The following COL5A2 variants were observed in gnomAD, a reference collection of about 807,000 sequenced individuals.
The protein encoded by COL5A2 is collagen alpha-2(V) chain.
COL5A2 carries 23 observed loss-of-function variants against 208.2 expected under a neutral mutation model. The ratio of observed to expected loss-of-function variants is 0.11; its 90% CI spans 0.08 to 0.16. The LOEUF (loss-of-function observed/expected upper bound fraction) is 0.16, where lower values mean the gene tolerates loss of function less well. Among genes scored for constraint, COL5A2 ranks in the 10% least tolerant of loss-of-function variants. The pLI is 1.00. For missense variants in COL5A2, 1,590 were observed against 1,956.4 expected (o/e 0.81, Z 3.53); for synonymous variants, 625 against 628.5 (o/e 0.99, Z 0.08).
chr2:189,400,032 A>C, the COL5A2 span, among the ~76,000 whole-genome samples: 1,277 of 152,196 alleles, frequency 8.4e-3, 18 homozygotes, highest in African/African-American at 0.029. Flanking sequence ...TATCAGATTT[A>C]TTGTGGCCTA....
intron 1 of COL5A2, among the ~76,000 whole-genome samples, chr2:189,223,894 A>G (rs1689379669): frequency 2.0e-5 from 3 of 152,140 alleles, no homozygotes; most frequent in Non-Finnish European, 4.4e-5. Flanking sequence ...ACTCTAAGCA[A>G]ATGTATTGTG....
chr2:189,282,652 G>C, the COL5A2 span, among the ~76,000 whole-genome samples: 35 of 152,222 alleles, frequency 2.3e-4, no homozygotes, highest in African/African-American at 7.9e-4. Context: ...TTCATCTTTA[G>C]TATATGTAAA....
chr2:189,339,207 T>C, the COL5A2 span, among the ~76,000 whole-genome samples: 5,536 of 152,146 alleles, frequency 0.036, 117 homozygotes, highest in Admixed American at 0.05. Context: ...AAAAATTAGC[T>C]GGGTGTGGAG....
At chr2:189,332,860 A>C in the COL5A2 span, among the ~76,000 whole-genome samples, 1 of 152,248 alleles carries the variant, frequency 6.6e-6, no homozygotes, top group Non-Finnish European at 1.5e-5. Context: ...ATGGGGTAAC[A>C]GGCAGAGATT....
rs1332314393 is a variant in COL5A2 at position 189,179,391 on chromosome 2, C to T, written c.97+117G>A. ...GTTTTCCAGGTGCAAATCCGTCAGC[C>T]CCCTTCTCAAACTTCAAACCAGAAC... On this transcript the variant is annotated intron_variant, in intron 1 of 53. Coordinates refer to ENST00000374866, the MANE Select transcript of COL5A2 (RefSeq NM_000393.5). The T allele has an allele frequency of 3.5e-6, 4 of 1,149,522 alleles. No individual in the cohort carries two copies. The East Asian group carries it at 1.0e-4, about 29-fold the overall frequency. The allele number at this position is 1,149,522 out of a possible 1,614,324, so 71.2% of individuals were successfully genotyped here.
chr2:189,092,229 G>A, intron 7 of COL5A2, 81 bp downstream of exon 7: 1 of 918,598 alleles, frequency 1.1e-6, no homozygotes, highest in Non-Finnish European at 1.8e-6. Context: ...TATCTGAACA[G>A]ACACAATTTA....
intron 1 of COL5A2, among the ~76,000 whole-genome samples, chr2:189,211,838 T>A (rs1025900353): frequency 6.6e-6 from 1 of 152,182 alleles, no homozygotes; most frequent in Non-Finnish European, 1.5e-5. Flanking sequence ...CAAAAACTCA[T>A]GGACAACATT....
the COL5A2 span, among the ~76,000 whole-genome samples, chr2:189,352,784 G>C: frequency 1.3e-5 from 2 of 152,116 alleles, no homozygotes; most frequent in African/African-American, 4.8e-5. Context: ...CAGAAGCTCT[G>C]TAGTTTAATT....
chr2:189,115,188 C>T (rs1156590045), intron 1 of COL5A2, among the ~76,000 whole-genome samples: 1 of 152,088 alleles, frequency 6.6e-6, no homozygotes, highest in Non-Finnish European at 1.5e-5. Context: ...GAAATCAACT[C>T]AATTTTTCTG....
At chr2:189,336,179 C>A in the COL5A2 span, among the ~76,000 whole-genome samples, 3 of 151,888 alleles carry the variant, frequency 2.0e-5, no homozygotes, top group Non-Finnish European at 4.4e-5. Flanking sequence ...GCAAATAAAG[C>A]CACAATGTGA....
chr2:189,294,656 A>G, the COL5A2 span, among the ~76,000 whole-genome samples: 1 of 152,230 alleles, frequency 6.6e-6, no homozygotes, highest in South Asian at 2.1e-4. Context: ...TTCATTATGT[A>G]CTGGGCACTT....
At chr2:189,413,253 T>C in the COL5A2 span, among the ~76,000 whole-genome samples, 27 of 152,302 alleles carry the variant, frequency 1.8e-4, no homozygotes, top group African/African-American at 6.3e-4. Context: ...ATTGTAGATA[T>C]AATTCCTCTG....
the COL5A2 span, among the ~76,000 whole-genome samples, chr2:189,438,638 G>A: frequency 6.6e-6 from 1 of 152,136 alleles, no homozygotes; most frequent in African/African-American, 2.4e-5. Context: ...AACTAGGGAT[G>A]GAGAACATTA....
chr2:189,438,710 T>C, the COL5A2 span, among the ~76,000 whole-genome samples: 1 of 152,192 alleles, frequency 6.6e-6, no homozygotes, highest in African/African-American at 2.4e-5. Context: ...TTCTTTGAGG[T>C]GCTGGAATTC....
intron 1 of COL5A2, among the ~76,000 whole-genome samples, chr2:189,158,961 T>C (rs1421747315): frequency 6.6e-6 from 1 of 152,180 alleles, no homozygotes; most frequent in Non-Finnish European, 1.5e-5. Flanking sequence ...ACTAAATATA[T>C]AGATTGATTA....
chr2:189,081,570 T>G (rs1686534614), intron 12 of COL5A2, among the ~76,000 whole-genome samples: 1 of 152,150 alleles, frequency 6.6e-6, no homozygotes, highest in African/African-American at 2.4e-5. Flanking sequence ...GGAAGAACAG[T>G]ATTATAATGT....
the COL5A2 span, among the ~76,000 whole-genome samples, chr2:189,269,717 G>T: frequency 1.3e-5 from 2 of 152,094 alleles, no homozygotes; most frequent in African/African-American, 2.4e-5. Flanking sequence ...TTGTGTCTCT[G>T]CCAGGTTTTA....
chr2:189,387,840 A>AAT, the COL5A2 span, among the ~76,000 whole-genome samples: 1 of 152,200 alleles, frequency 6.6e-6, no homozygotes, highest in Non-Finnish European at 1.5e-5. Flanking sequence ...GATGGGGTGC[A>AAT]ATGGTATAAT....
intron 11 of COL5A2, among the ~76,000 whole-genome samples, chr2:189,084,438 T>C (rs1224786003): frequency 6.6e-6 from 1 of 152,186 alleles, no homozygotes; most frequent in Non-Finnish European, 1.5e-5. Context: ...TCCATTTCTT[T>C]CCTGTGGTTA....
Sources: gnomAD v4.1 joint callset for allele counts (sites outside exome capture counted in the v4.1 genomes callset) on GRCh38, gnomAD v4.1.1 for gene constraint, MANE v1.5 for transcripts, NCBI Gene and HGNC (gene_info 2026-07-23, HGNC 2026-07-21) for gene names.